Variants in B3GALT1 observed in about 807,000 individuals in gnomAD.
B3GALT1 encodes beta-1,3-galactosyltransferase 1.
In B3GALT1, 10 loss-of-function variants were observed where a neutral mutation model predicts 23.2. The observed-to-expected ratio is 0.43, with a 90% CI of 0.27 to 0.73. The LOEUF is 0.73. Ranked by LOEUF, B3GALT1 falls within the 30% of genes least tolerant of loss-of-function variation. B3GALT1 has a pLI of 0.21. For synonymous variants in B3GALT1, 156 were observed against 141.5 expected (o/e 1.10, Z -0.73); for missense variants, 299 against 405.4 (o/e 0.74, Z 2.25).
At chr2:167,813,116 T>G (rs569278926) in intron 3 of B3GALT1, among the ~76,000 whole-genome samples, 1 of 152,098 alleles carries the variant, frequency 6.6e-6, no homozygotes, top group East Asian at 1.9e-4. Context: ...TAGCCCCTAG[T>G]AGAATATGAC....
chr2:167,719,262 T>A (rs1687195844), intron 3 of B3GALT1, among the ~76,000 whole-genome samples: 1 of 152,254 alleles, frequency 6.6e-6, no homozygotes. Flanking sequence ...TGTTCATGTA[T>A]GTGCATTGAT....
At chr2:167,721,260 T>C (rs1350046976) in intron 3 of B3GALT1, among the ~76,000 whole-genome samples, 3 of 152,236 alleles carry the variant, frequency 2.0e-5, no homozygotes, top group Non-Finnish European at 4.4e-5. Context: ...TCAGAGCTTC[T>C]ATTTGGACAA....
intron 2 of B3GALT1, among the ~76,000 whole-genome samples, chr2:167,539,104 T>C (rs1262300910): frequency 6.6e-6 from 1 of 152,124 alleles, no homozygotes; most frequent in African/African-American, 2.4e-5. Flanking sequence ...TAAAAACTAA[T>C]GACAAATGAA....
intron 1 of B3GALT1, among the ~76,000 whole-genome samples, chr2:167,393,418 G>T (rs1258404568): frequency 6.6e-6 from 1 of 151,844 alleles, no homozygotes; most frequent in Non-Finnish European, 1.5e-5. Flanking sequence ...GGATTCTGGG[G>T]TTAGGAAAGG....
At chr2:167,663,001 C>G (rs973197787) in intron 3 of B3GALT1, among the ~76,000 whole-genome samples, 1 of 151,754 alleles carries the variant, frequency 6.6e-6, no homozygotes, top group African/African-American at 2.4e-5. Context: ...GGTACATGTG[C>G]ACAATGTGCA....
chr2:167,445,959 C>G (rs372396782), intron 1 of B3GALT1, among the ~76,000 whole-genome samples: 3 of 152,304 alleles, frequency 2.0e-5, no homozygotes, highest in Admixed American at 6.5e-5. Flanking sequence ...TTCCTAGCAT[C>G]AATAGACTTT....
intron 1 of B3GALT1, among the ~76,000 whole-genome samples, chr2:167,459,631 T>C (rs1374686169): frequency 6.6e-6 from 1 of 152,168 alleles, no homozygotes; most frequent in African/African-American, 2.4e-5. Context: ...AAAAGTAGAT[T>C]TACAAGTCAT....
intron 4 of B3GALT1, among the ~76,000 whole-genome samples, chr2:167,829,208 G>A (rs1430796388): frequency 1.3e-5 from 2 of 152,192 alleles, no homozygotes; most frequent in Non-Finnish European, 2.9e-5. Flanking sequence ...TCTAGGCCAG[G>A]TGCGGTGGCT....
At chr2:167,543,523 A>G (rs1209668837) in intron 2 of B3GALT1, among the ~76,000 whole-genome samples, 1 of 152,208 alleles carries the variant, frequency 6.6e-6, no homozygotes, top group African/African-American at 2.4e-5. Context: ...TTATGAAAAA[A>G]GCAAATTGAT....
chr2:167,368,819 G>T (rs1697631885), intron 1 of B3GALT1, among the ~76,000 whole-genome samples: 1 of 152,032 alleles, frequency 6.6e-6, no homozygotes, highest in African/African-American at 2.4e-5. Flanking sequence ...TGAATCTTAG[G>T]ATCCCTCTAC....
intron 1 of B3GALT1, among the ~76,000 whole-genome samples, chr2:167,360,412 A>G (rs1391471448): frequency 2.0e-5 from 3 of 152,292 alleles, no homozygotes; most frequent in East Asian, 1.9e-4. Flanking sequence ...TAGAAACACA[A>G]CAAAGTCTTT....
intron 2 of B3GALT1, among the ~76,000 whole-genome samples, chr2:167,508,062 A>T (rs1428111765): frequency 6.6e-6 from 1 of 152,016 alleles, no homozygotes; most frequent in Non-Finnish European, 1.5e-5. Context: ...TCCCTTTTAT[A>T]AGGACACTAG....
At chr2:167,679,573 G>A (rs1038129950) in intron 3 of B3GALT1, among the ~76,000 whole-genome samples, 6 of 152,232 alleles carry the variant, frequency 3.9e-5, no homozygotes, top group South Asian at 2.1e-4. Flanking sequence ...TTCTTAATTC[G>A]GAACATTGTA....
intron 2 of B3GALT1, among the ~76,000 whole-genome samples, chr2:167,499,755 A>C (rs1699827043): frequency 6.6e-6 from 1 of 152,130 alleles, no homozygotes. Context: ...AACACTTAGG[A>C]AACACCTCAG....
At chr2:167,562,422 C>T (rs1360314523) in intron 2 of B3GALT1, among the ~76,000 whole-genome samples, 7 of 152,112 alleles carry the variant, frequency 4.6e-5, no homozygotes, top group African/African-American at 1.7e-4. Context: ...TCTCTCACCA[C>T]TCCTATTCAA....
intron 1 of B3GALT1, among the ~76,000 whole-genome samples, chr2:167,450,306 C>G (rs982553114): frequency 6.6e-6 from 1 of 151,452 alleles, no homozygotes; most frequent in African/African-American, 2.4e-5. Flanking sequence ...TCTGTTTATT[C>G]CTGGTTTAAT....
At chr2:167,653,951 T>C (rs1685909186) in intron 3 of B3GALT1, among the ~76,000 whole-genome samples, 1 of 152,132 alleles carries the variant, frequency 6.6e-6, no homozygotes, top group East Asian at 1.9e-4. Context: ...ACAGTAGATC[T>C]GTGGAGTTGG....
At chr2:167,656,018 G>A (rs1469583530) in intron 3 of B3GALT1, among the ~76,000 whole-genome samples, 8 of 152,102 alleles carry the variant, frequency 5.3e-5, no homozygotes, top group South Asian at 2.1e-4. Flanking sequence ...GGAAGTCCTC[G>A]TCTCCTGATG....
intron 3 of B3GALT1, among the ~76,000 whole-genome samples, chr2:167,806,377 T>C (rs950330644): frequency 4.6e-5 from 7 of 152,052 alleles, no homozygotes; most frequent in East Asian, 1.9e-4. Flanking sequence ...TGAATAGGAG[T>C]GGTGAGAGAG....
Sources: gnomAD v4.1 joint callset for allele counts (sites outside exome capture counted in the v4.1 genomes callset) on GRCh38, gnomAD v4.1.1 for gene constraint, MANE v1.5 for transcripts, NCBI Gene and HGNC (gene_info 2026-07-23, HGNC 2026-07-21) for gene names.